The following SNX29 variants were observed in gnomAD, a reference collection of about 807,000 sequenced individuals.
SNX29 encodes sorting nexin-29.
Under a neutral mutation model 102.1 loss-of-function variants are expected in SNX29, and 78 were observed. That is an observed-to-expected ratio of 0.76 (90% CI 0.64 to 0.92). SNX29 has a LOEUF of 0.92. SNX29 is among the 40% of genes least tolerant of loss of function. The probability of loss-of-function intolerance (pLI) is 0.00; values close to 1 mark genes in which losing one functional copy is unlikely to be tolerated. For missense variants in SNX29, 1,280 were observed against 1,061.7 expected, an observed-to-expected ratio of 1.21 and a Z score of -2.86; for synonymous variants, 580 against 414.5, an observed-to-expected ratio of 1.40 and a Z score of -4.85.
intron 18 of SNX29, among the ~76,000 whole-genome samples, chr16:12,443,965 G>A (rs1472589706): frequency 1.3e-5 from 2 of 152,168 alleles, no homozygotes; most frequent in East Asian, 3.9e-4. Context: ...CACGTAATAA[G>A]CACTCAGTAT....
intron 18 of SNX29, among the ~76,000 whole-genome samples, chr16:12,427,210 T>A (rs980212042): frequency 3.3e-5 from 5 of 152,186 alleles, no homozygotes; most frequent in African/African-American, 1.2e-4. Flanking sequence ...GTGCCAACCC[T>A]CTGTCACCAT....
At chr16:12,288,545 T>C (rs1309679144) in intron 15 of SNX29, among the ~76,000 whole-genome samples, 1 of 152,136 alleles carries the variant, frequency 6.6e-6, no homozygotes, top group African/African-American at 2.4e-5. Flanking sequence ...ACCTCCAGCT[T>C]GCCCTTGAAT....
chr16:12,425,668 G>A (rs1380780169), intron 18 of SNX29, among the ~76,000 whole-genome samples: 1 of 152,024 alleles, frequency 6.6e-6, no homozygotes, highest in African/African-American at 2.4e-5. Flanking sequence ...AAATCCCAGG[G>A]CAGCCTGGGC....
At chr16:12,515,254 G>C (rs2089813750) in intron 19 of SNX29, among the ~76,000 whole-genome samples, 1 of 152,146 alleles carries the variant, frequency 6.6e-6, no homozygotes, top group Admixed American at 6.5e-5. Context: ...TGATCGCTTT[G>C]CATGTCTTTT....
intron 9 of SNX29, among the ~76,000 whole-genome samples, chr16:12,061,965 C>T (rs1352779602): frequency 6.6e-6 from 1 of 152,292 alleles, no homozygotes; most frequent in Non-Finnish European, 1.5e-5. Context: ...AAGCTGACCA[C>T]AAATAGTGAC....
chr16:12,483,522 G>A (rs998775201), intron 19 of SNX29, among the ~76,000 whole-genome samples: 1 of 151,836 alleles, frequency 6.6e-6, no homozygotes, highest in Non-Finnish European at 1.5e-5. Context: ...TCACCATGTT[G>A]GTCAGGCTGG....
chr16:12,553,753 T>G (rs2078143314), intron 20 of SNX29, among the ~76,000 whole-genome samples: 1 of 151,728 alleles, frequency 6.6e-6, no homozygotes, highest in Non-Finnish European at 1.5e-5. Context: ...ACCCCCAGCC[T>G]AGTTTTTTTC....
At chr16:12,557,897 G>C (rs931350228) in intron 20 of SNX29, among the ~76,000 whole-genome samples, 3 of 152,188 alleles carry the variant, frequency 2.0e-5, no homozygotes, top group Admixed American at 6.5e-5. Flanking sequence ...CAGGCAACTG[G>C]AGGATTCTCA....
At position 12,255,348 on chromosome 16, in the gene SNX29, A is replaced by C. The variant is rs528837221; in HGVS notation, c.1679-22585A>C. On this transcript the variant is annotated intron_variant, in intron 14 of 20. Transcript: ENST00000566228. ...GTAGCTGGGATTACAGGCACCCACC[A>C]CCATGCCTGGCTAATTTTTTTTTAG... 1.1e-4 allele frequency among the ~76,000 whole-genome samples: 17 copies of C among 150,996 alleles called. No individual in the cohort carries two copies. The South Asian group carries it at 3.6e-3, about 32-fold the overall frequency.
At chr16:12,468,229 CA>C (rs2087161872) in intron 18 of SNX29, among the ~76,000 whole-genome samples, 1 of 128,268 alleles carries the variant, frequency 7.8e-6, no homozygotes, top group South Asian at 2.5e-4. Context: ...GGCTGGAGTG[CA>C]GTGGTGTGAT....
At chr16:12,566,470 C>T (rs1427424489) in intron 20 of SNX29, among the ~76,000 whole-genome samples, 1 of 152,192 alleles carries the variant, frequency 6.6e-6, no homozygotes, top group Non-Finnish European at 1.5e-5. Context: ...CTCATCCTGG[C>T]TGTGCTGAAT....
intron 14 of SNX29, among the ~76,000 whole-genome samples, chr16:12,259,684 A>G: frequency 6.6e-6 from 1 of 152,226 alleles, no homozygotes; most frequent in East Asian, 1.9e-4. Context: ...TGTAAGGTAC[A>G]TCAAAATCAC....
At chr16:11,989,640 A>T (rs1040107358) in intron 1 of SNX29, among the ~76,000 whole-genome samples, 1 of 152,236 alleles carries the variant, frequency 6.6e-6, no homozygotes, top group Admixed American at 6.5e-5. Context: ...GAGCCACAGA[A>T]GTGAGCTGCA....
Position 12,276,519 on chromosome 16 carries a change from A to G in SNX29, c.1679-1414A>G, listed in dbSNP as rs2079256679. On this transcript the variant is annotated intron_variant, in intron 14 of 20. Transcript: ENST00000566228. ...CACCTTCTTCCTGAAGGCTACCCGC[A>G]TCACTGGGGGGCTAGTCTCAGATCC... Among the ~76,000 whole-genome samples, 3 of 152,254 alleles carry G rather than the reference A, an allele frequency of 2.0e-5. No individual in the cohort carries two copies. In the South Asian group the frequency reaches 6.2e-4, roughly 32 times the overall value.
At chr16:12,095,562 G>A (rs1370689420) in intron 11 of SNX29, among the ~76,000 whole-genome samples, 2 of 152,190 alleles carry the variant, frequency 1.3e-5, no homozygotes, top group Non-Finnish European at 2.9e-5. Flanking sequence ...GTATAGCACA[G>A]TCATGCATTG....
intron 20 of SNX29, among the ~76,000 whole-genome samples, chr16:12,547,986 G>A (rs536460836): frequency 2.8e-4 from 43 of 152,216 alleles, no homozygotes; most frequent in Middle Eastern, 3.4e-3. Context: ...ATGGCACAGG[G>A]GTCTCGAGTG....
At chr16:12,552,770 C>A (rs1160512981) in intron 20 of SNX29, among the ~76,000 whole-genome samples, 3 of 152,228 alleles carry the variant, frequency 2.0e-5, no homozygotes, top group African/African-American at 7.2e-5. Flanking sequence ...GGTATGAATT[C>A]ATCTCAGCTC....
chr16:12,215,498 C>G (rs765904877), intron 14 of SNX29, among the ~76,000 whole-genome samples: 1 of 152,126 alleles, frequency 6.6e-6, no homozygotes, highest in Non-Finnish European at 1.5e-5. Context: ...TACTCTATAT[C>G]TACCCACCTG....
Position 12,068,019 on chromosome 16 carries a change from C to T in SNX29, c.1244-1038C>T, listed in dbSNP as rs527338256. 1.2e-4 allele frequency among the ~76,000 whole-genome samples: 19 copies of T among 152,200 alleles called. 1 individual carries two copies. In the South Asian group the frequency reaches 2.1e-3, roughly 17 times the overall value. On this transcript the variant is annotated intron_variant, in intron 9 of 20. Coordinates refer to ENST00000566228, the MANE Select transcript of SNX29 (RefSeq NM_032167.5). ...GGGAAAATTGGCCTTTTTAGAAAGC[C>T]GCAGACATTGTCAGGAATTAGACCA...
Sources: allele counts gnomAD v4.1 joint callset (sites outside exome capture counted in the v4.1 genomes callset), GRCh38; gene constraint gnomAD v4.1.1; transcripts MANE v1.5; gene names NCBI Gene and HGNC (gene_info 2026-07-23, HGNC 2026-07-21).